SPATA6: variants seen among roughly 807,000 people sequenced by gnomAD.
The protein encoded by SPATA6 is spermatogenesis associated 6.
In SPATA6, 56 loss-of-function variants were observed where a neutral mutation model predicts 65.3. That is an observed-to-expected ratio of 0.86 (90% confidence interval 0.69 to 1.07). The LOEUF (loss-of-function observed/expected upper bound fraction) is 1.07, where lower values mean the gene tolerates loss of function less well. Among genes scored for constraint, SPATA6 ranks in the 50% least tolerant of loss-of-function variants. The pLI, the probability that SPATA6 is intolerant of heterozygous loss-of-function variation, is 0.00. For synonymous variants in SPATA6, 199 were observed against 213.2 expected (o/e 0.93, Z 0.58); for missense variants, 590 against 594.8 (o/e 0.99, Z 0.08).
intron 6 of SPATA6, among the ~76,000 whole-genome samples, chr1:48,403,348 G>A (rs370247770): frequency 1.3e-5 from 2 of 152,138 alleles, no homozygotes; most frequent in East Asian, 3.9e-4. Context: ...CAAGAAATCA[G>A]AGACAGTCAA....
intron 9 of SPATA6, among the ~76,000 whole-genome samples, chr1:48,378,135 T>C (rs1442144054): frequency 6.6e-6 from 1 of 152,170 alleles, no homozygotes; most frequent in Non-Finnish European, 1.5e-5. Context: ...TTTCCAACAG[T>C]TGGAGGCTTA....
At chr1:48,325,268 C>G in intron 11 of SPATA6, 1 of 894,376 alleles carries the variant, frequency 1.1e-6, no homozygotes. Context: ...CATAAACAAG[C>G]CACCAATGAG....
intron 9 of SPATA6, among the ~76,000 whole-genome samples, chr1:48,364,421 G>A (rs1041393620): frequency 1.4e-4 from 21 of 152,226 alleles, no homozygotes; most frequent in Non-Finnish European, 2.9e-4. Context: ...CCCACCAACA[G>A]TGTAAAAGTG....
intron 1 of SPATA6, among the ~76,000 whole-genome samples, chr1:48,465,425 G>T (rs1657740675): frequency 6.6e-6 from 1 of 152,058 alleles, no homozygotes; most frequent in Non-Finnish European, 1.5e-5. Context: ...AAACTAACCG[G>T]ATACCCTGAG....
the SPATA6 span, among the ~76,000 whole-genome samples, chr1:48,273,859 G>C: frequency 5.3e-5 from 8 of 152,200 alleles, no homozygotes; most frequent in Admixed American, 6.5e-5. Flanking sequence ...CCTGTGCCCT[G>C]TAATGGGATT....
chr1:48,332,802 G>A (rs544917999), intron 11 of SPATA6, among the ~76,000 whole-genome samples: 3 of 152,168 alleles, frequency 2.0e-5, no homozygotes, highest in Admixed American at 6.5e-5. Flanking sequence ...GGTACACACT[G>A]TAAGATCAGC....
chr1:48,355,661 GA>G lies in SPATA6; in HGVS notation c.1194+8del, dbSNP rs1202128857. The G allele has an allele frequency of 6.9e-6, 11 of 1,594,822 alleles. No homozygotes were observed. Among genetic ancestry groups the G allele is most frequent in the Non-Finnish European group, 9.4e-6 (11 of 1,169,780 alleles). On this transcript the variant is annotated splice_region_variant and intron_variant, in intron 11 of 12. Coordinates refer to ENST00000371847, the MANE Select transcript of SPATA6 (RefSeq NM_019073.4). ...AAATAGTCTTCAAAAAAAAATTTTA[GA>G]AACTAACATATAAATGTCTTTGATG...
chr1:48,393,022 A>T (rs1650228842), intron 8 of SPATA6, among the ~76,000 whole-genome samples: 1 of 152,154 alleles, frequency 6.6e-6, no homozygotes, highest in African/African-American at 2.4e-5. Context: ...TAGAATTTTT[A>T]AAAATCACTA....
intron 1 of SPATA6, among the ~76,000 whole-genome samples, chr1:48,461,784 G>A (rs957254587): frequency 7.9e-5 from 12 of 152,156 alleles, no homozygotes; most frequent in African/African-American, 2.9e-4. Context: ...ATGTCAGTGT[G>A]GCGATTCCTC....
At chr1:48,261,877 C>T in the SPATA6 span, among the ~76,000 whole-genome samples, 7 of 152,052 alleles carry the variant, frequency 4.6e-5, no homozygotes, top group African/African-American at 1.7e-4. Context: ...ACCTTACAAA[C>T]ATTAAGATTA....
intron 8 of SPATA6, among the ~76,000 whole-genome samples, chr1:48,393,821 G>A (rs994544464): frequency 9.9e-5 from 15 of 152,062 alleles, no homozygotes; most frequent in African/African-American, 9.7e-5. Flanking sequence ...AAATGGCAGC[G>A]AGAGAAGGAG....
intron 11 of SPATA6, among the ~76,000 whole-genome samples, chr1:48,346,358 A>G (rs553112038): frequency 2.2e-4 from 33 of 152,242 alleles, no homozygotes; most frequent in African/African-American, 7.7e-4. Context: ...CAACAAACTG[A>G]CAGTCAACAT....
the SPATA6 span, among the ~76,000 whole-genome samples, chr1:48,281,641 C>T: frequency 1.1e-4 from 16 of 151,224 alleles, no homozygotes; most frequent in African/African-American, 3.6e-4. Context: ...CGTGAAGGAC[C>T]TCTTCAAGGA....
chr1:48,284,824 C>T, the SPATA6 span, among the ~76,000 whole-genome samples: 1 of 152,090 alleles, frequency 6.6e-6, no homozygotes, highest in East Asian at 1.9e-4. Flanking sequence ...GAGGGGCATC[C>T]ACCAGATGTC....
chr1:48,347,753 G>T (rs1646410767), intron 11 of SPATA6, among the ~76,000 whole-genome samples: 1 of 151,716 alleles, frequency 6.6e-6, no homozygotes, highest in African/African-American at 2.4e-5. Flanking sequence ...GAAACCTAAA[G>T]AACTTTTAAG....
At position 48,371,725 on chromosome 1, in the gene SPATA6, C is replaced by T. The variant is rs556626213; in HGVS notation, c.910-11955G>A. Among the ~76,000 whole-genome samples, 77 of 152,242 alleles carry T rather than the reference C, an allele frequency of 5.1e-4. 2 individuals carry two copies. In the South Asian group the frequency reaches 0.013, roughly 27 times the overall value. On this transcript the variant is annotated intron_variant, in intron 9 of 12. Coordinates refer to ENST00000371847, the MANE Select transcript of SPATA6 (RefSeq NM_019073.4). Reference sequence around the variant, plus strand: ...TTTGCATTAGTCCATTTTCATGCTGCTGATAAAGACACACACGAGACTGGG... The same window carrying T: ...TTTGCATTAGTCCATTTTCATGCTGTTGATAAAGACACACACGAGACTGGG...
the SPATA6 span, among the ~76,000 whole-genome samples, chr1:48,283,191 G>C: frequency 9.0e-6 from 1 of 111,220 alleles, no homozygotes; most frequent in Non-Finnish European, 1.7e-5. Flanking sequence ...TGTGGGGTGG[G>C]GGGAGGGGGG....
the SPATA6 span, among the ~76,000 whole-genome samples, chr1:48,276,171 T>A: frequency 0.14 from 21,344 of 152,246 alleles, 1,692 homozygotes; most frequent in African/African-American, 0.2. Flanking sequence ...TTCTGTGAGA[T>A]CAGTGGTGAC....
chr1:48,418,548 A>AAAG (rs1653006348), intron 3 of SPATA6, among the ~76,000 whole-genome samples: 1 of 40,130 alleles, frequency 2.5e-5, no homozygotes, highest in African/African-American at 9.7e-5. Flanking sequence ...TCCCTACAAA[A>AAAG]AAAAAAAAAA....
Sources: allele counts gnomAD v4.1 joint callset (sites outside exome capture counted in the v4.1 genomes callset), GRCh38; gene constraint gnomAD v4.1.1; transcripts MANE v1.5; gene names NCBI Gene and HGNC (gene_info 2026-07-23, HGNC 2026-07-21).